NLRP13: variants seen among roughly 807,000 people sequenced by gnomAD.
NLRP13 encodes NLR family pyrin domain containing 13, also known as NACHT, LRR and PYD domains-containing protein 13.
NLRP13 carries 82 observed loss-of-function variants against 94.4 expected under a neutral mutation model. The ratio of observed to expected loss-of-function variants is 0.87; its 90% CI spans 0.73 to 1.04. NLRP13 has a LOEUF of 1.04. Among genes scored for constraint, NLRP13 ranks in the 50% least tolerant of loss-of-function variants. NLRP13 has a pLI of 0.00. For missense variants in NLRP13, 1,426 were observed against 1,230.8 expected, an observed-to-expected ratio of 1.16 and a Z score of -2.37; for synonymous variants, 553 against 464.7, an observed-to-expected ratio of 1.19 and a Z score of -2.45.
At chr19:55,919,507 C>A (rs1986759633) in intron 4 of NLRP13, among the ~76,000 whole-genome samples, 1 of 151,878 alleles carries the variant, frequency 6.6e-6, no homozygotes, top group South Asian at 2.1e-4. Flanking sequence ...TAAATGAATT[C>A]ATAAAATCTT....
chr19:55,921,381 G>A (rs1986821656), intron 4 of NLRP13, among the ~76,000 whole-genome samples: 1 of 152,096 alleles, frequency 6.6e-6, no homozygotes, highest in South Asian at 2.1e-4. Context: ...CCTTTTAGAG[G>A]ATCAATTTGA....
At chr19:55,900,775 T>TAA (rs3073241) in intron 9 of NLRP13, among the ~76,000 whole-genome samples, 7 of 134,188 alleles carry the variant, frequency 5.2e-5, no homozygotes, top group South Asian at 5.0e-4. Flanking sequence ...GACTCCATCT[T>TAA]AAAAAAAAAA....
intron 4 of NLRP13, among the ~76,000 whole-genome samples, chr19:55,919,206 C>A (rs1194274624): frequency 6.6e-6 from 1 of 151,936 alleles, no homozygotes; most frequent in Non-Finnish European, 1.5e-5. Flanking sequence ...AACTAAGCTT[C>A]AAAGGAACAT....
intron 1 of NLRP13, among the ~76,000 whole-genome samples, chr19:55,930,898 A>ATATATATATAC: frequency 9.5e-6 from 1 of 104,908 alleles, no homozygotes; most frequent in African/African-American, 3.9e-5. Context: ...ATATATATAT[A>ATATATATATAC]AAATTTTAAC....
intron 2 of NLRP13, 63 bp from the exon 3 acceptor site, chr19:55,924,721 T>A: frequency 6.9e-7 from 1 of 1,449,854 alleles, no homozygotes; most frequent in Non-Finnish European, 9.7e-7. Context: ...CCAGCAATAA[T>A]GGAAGCCCCC....
At chr19:55,929,341 C>A (rs921531158) in intron 1 of NLRP13, among the ~76,000 whole-genome samples, 6 of 152,176 alleles carry the variant, frequency 3.9e-5, no homozygotes, top group African/African-American at 1.4e-4. Flanking sequence ...GTTATTGCAG[C>A]ACTGTTCACA....
At chr19:55,904,634 A>G (rs1389766440) in intron 8 of NLRP13, among the ~76,000 whole-genome samples, 1 of 152,146 alleles carries the variant, frequency 6.6e-6, no homozygotes, top group Non-Finnish European at 1.5e-5. Context: ...TAAATCTGTC[A>G]TATCTACCAC....
At chr19:55,905,551 G>C (rs1235065287) in intron 7 of NLRP13, among the ~76,000 whole-genome samples, 1 of 151,692 alleles carries the variant, frequency 6.6e-6, no homozygotes, top group Non-Finnish European at 1.5e-5. Flanking sequence ...ACTCAGAAAG[G>C]CTGAGGCAGG....
At position 55,905,026 on chromosome 19, in the gene NLRP13, AG is replaced by A; in HGVS notation, c.2533del (p.Leu845TrpfsTer11). The A allele has an allele frequency of 6.2e-7, 1 of 1,613,942 alleles. No individual in the cohort carries two copies. Among genetic ancestry groups the A allele is most frequent in the South Asian group, 1.1e-5 (1 of 91,062 alleles). ...TSIQHVTRLC[L>X]GFNRLQDDGI... ...ATCATCTTGGAGCCGATTAAATCCCAGGCACAATCGAGTTACGTGTTGGATG... is the reference window on the plus strand; with the variant it reads ...ATCATCTTGGAGCCGATTAAATCCCAGCACAATCGAGTTACGTGTTGGATG... On this transcript the variant is annotated frameshift_variant, in exon 8 of 11. Coordinates refer to ENST00000342929, the MANE Select transcript of NLRP13 (RefSeq NM_176810.2). LOFTEE classifies it high-confidence loss of function.
intron 9 of NLRP13, among the ~76,000 whole-genome samples, chr19:55,899,650 G>T (rs896237675): frequency 2.6e-5 from 4 of 152,022 alleles, no homozygotes; most frequent in Admixed American, 2.0e-4. Flanking sequence ...CGTGGTGGCG[G>T]GTGCCTGCAA....
rs1157594698 is a variant in NLRP13, at chr19:55,932,005, C to T, written c.307G>A (p.Ala103Thr). 6.2e-7 allele frequency: 1 copy of T among 1,613,338 alleles called. No individual in the cohort carries two copies. The highest frequency in any genetic ancestry group is 8.5e-7 in the Non-Finnish European group (1 of 1,180,024). ...NLTSLCEKVRAEMKENVQTQE... is the reference protein window; with the variant it reads ...NLTSLCEKVRTEMKENVQTQE... ...TGAGGACTCTCACCTTTCATCTCGG[C>T]TCTAACTTTCTCACACAGTGAGGTC... The change falls in exon 1 of 11, where the codon GCC (alanine) becomes ACC (threonine). Residue 103 changes from alanine (A) to threonine (T), a missense_variant. Ala to Thr is a moderately conservative substitution (Grantham distance 58). Transcript: ENST00000342929.
chr19:55,909,139 C>G (rs1175335458), intron 6 of NLRP13, among the ~76,000 whole-genome samples: 1 of 152,198 alleles, frequency 6.6e-6, no homozygotes, highest in Non-Finnish European at 1.5e-5. Context: ...ATCATTCAAA[C>G]AAATCCCACC....
intron 8 of NLRP13, among the ~76,000 whole-genome samples, chr19:55,904,196 G>C (rs922888299): frequency 6.6e-6 from 1 of 152,136 alleles, no homozygotes; most frequent in East Asian, 1.9e-4. Context: ...GGGTTCTAGC[G>C]ATTCTCCTGC....
intron 4 of NLRP13, among the ~76,000 whole-genome samples, chr19:55,920,888 G>GTA (rs1986805179): frequency 1.3e-5 from 2 of 151,896 alleles, no homozygotes; most frequent in African/African-American, 4.8e-5. Flanking sequence ...AGAAAATGTG[G>GTA]TGTATGTATG....
chr19:55,895,848 G>A (rs116420764), downstream of NLRP13: 1,935 of 1,375,176 alleles, frequency 1.4e-3, 17 homozygotes, highest in African/African-American at 0.024. Flanking sequence ...ATGGCCTGAG[G>A]AAGCCGAGTG....
At chr19:55,902,701 A>G (rs1362175440) in intron 8 of NLRP13, among the ~76,000 whole-genome samples, 1 of 152,168 alleles carries the variant, frequency 6.6e-6, no homozygotes, top group African/African-American at 2.4e-5. Context: ...ATAGAAGATT[A>G]TTATATCACA....
At chr19:55,922,283 G>A (rs1986849724) in intron 4 of NLRP13, among the ~76,000 whole-genome samples, 1 of 152,002 alleles carries the variant, frequency 6.6e-6, no homozygotes, top group African/African-American at 2.4e-5. Context: ...GTATCATTTG[G>A]CCTGTCTCTC....
chr19:55,914,528 C>A (rs761676571), intron 4 of NLRP13, among the ~76,000 whole-genome samples: 2 of 152,066 alleles, frequency 1.3e-5, no homozygotes, highest in African/African-American at 2.4e-5. Flanking sequence ...GTAGAATATA[C>A]CCCATCAGTA....
chr19:55,913,159 C>A lies in NLRP13; in HGVS notation c.658G>T (p.Asp220Tyr). Residue 220 changes from aspartate (D) to tyrosine (Y), a missense_variant, in exon 5 of 11, where the codon GAT becomes TAT. By Grantham distance (160) the Asp-to-Tyr change is radical. Transcript: ENST00000342929. ...DEHEELQRLL[D>Y]PNRTRAQAQT... is the part of the protein sequence containing the mutation. ...GCCTGGGCTCTAGTCCTATTAGGAT[C>A]CAGTAGGCGCTGCAGTTCCTCATGT... is the stretch of plus-strand genomic sequence containing the variant. The A allele has an allele frequency of 6.2e-7, 1 of 1,614,138 alleles. No homozygotes were observed. The highest frequency in any genetic ancestry group is 8.5e-7 in the Non-Finnish European group (1 of 1,180,026).
Sources: gnomAD v4.1 joint callset for allele counts (sites outside exome capture counted in the v4.1 genomes callset) on GRCh38, gnomAD v4.1.1 for gene constraint, MANE v1.5 for transcripts, NCBI Gene and HGNC (gene_info 2026-07-23, HGNC 2026-07-21) for gene names.